The following SCAMP1 variants were observed in gnomAD, a reference collection of about 807,000 sequenced individuals.
SCAMP1 encodes secretory carrier membrane protein 1.
A neutral mutation model predicts 41.8 loss-of-function variants in SCAMP1; 15 were observed. The ratio of observed to expected loss-of-function variants is 0.36; its 90% CI spans 0.24 to 0.55. The LOEUF is 0.55. Ranked by LOEUF, SCAMP1 falls within the 20% of genes least tolerant of loss-of-function variation. The pLI, the probability that SCAMP1 is intolerant of heterozygous loss-of-function variation, is 0.86. For missense variants in SCAMP1, 341 were observed against 412.6 expected, an observed-to-expected ratio of 0.83 and a Z score of 1.50; for synonymous variants, 135 against 136.8, an observed-to-expected ratio of 0.99 and a Z score of 0.09.
chr5:78,403,284 A>G lies in SCAMP1; in HGVS notation c.136-12236A>G, dbSNP rs1434628701. On this transcript the variant is annotated intron_variant, in intron 2 of 8. Coordinates refer to ENST00000621999, the MANE Select transcript of SCAMP1 (RefSeq NM_004866.6). ...AATCCAGACCTACATACAAATAACT[A>G]TACTGTTTCACAGGTAGTGTGAGTG... Among the ~76,000 whole-genome samples, 3 of 152,130 alleles carry G rather than the reference A, an allele frequency of 2.0e-5. 1 individual carries two copies. Among genetic ancestry groups the G allele is most frequent in the Non-Finnish European group, 4.4e-5 (3 of 68,038 alleles).
chr5:78,387,362 C>CTTTTTTTTTT (rs141037666), intron 1 of SCAMP1, among the ~76,000 whole-genome samples: 1 of 135,536 alleles, frequency 7.4e-6, no homozygotes, highest in Non-Finnish European at 1.6e-5. Context: ...TATCCTGTAT[C>CTTTTTTTTTT]TTTTTTTTTT....
At chr5:78,469,144 G>A (rs1753814024) in intron 8 of SCAMP1, among the ~76,000 whole-genome samples, 1 of 152,058 alleles carries the variant, frequency 6.6e-6, no homozygotes, top group Non-Finnish European at 1.5e-5. Flanking sequence ...TGAAAATATT[G>A]TTATCATTCA....
chr5:78,398,817 T>A (rs973281740), intron 2 of SCAMP1, among the ~76,000 whole-genome samples: 6 of 152,190 alleles, frequency 3.9e-5, no homozygotes, highest in African/African-American at 1.4e-4. Context: ...AGTGTTGGGA[T>A]TACAGGCGTG....
intron 6 of SCAMP1, among the ~76,000 whole-genome samples, chr5:78,447,215 G>A (rs1164278159): frequency 1.8e-4 from 27 of 152,200 alleles, no homozygotes; most frequent in Non-Finnish European, 4.4e-5. Flanking sequence ...TGCCAAAAAG[G>A]TTGGGGACCA....
At chr5:78,436,119 A>T (rs143452397) in intron 6 of SCAMP1, among the ~76,000 whole-genome samples, 1,611 of 152,316 alleles carry the variant, frequency 0.011, 36 homozygotes, top group African/African-American at 0.036. Flanking sequence ...GATTCTGGAT[A>T]TTAGCCCTTT....
rs748223999 is a variant in SCAMP1 at position 78,418,726 on chromosome 5, A to G, written c.344-49A>G. 11 of 1,188,816 alleles carry G rather than the reference A, an allele frequency of 9.3e-6. No homozygotes were observed. The South Asian group carries it at 1.5e-4, about 17-fold the overall frequency. The allele number at this position is 1,188,816 out of a possible 1,614,324, so 73.6% of individuals were successfully genotyped here. On this transcript the variant is annotated intron_variant, in intron 4 of 8. Coordinates refer to ENST00000621999, the MANE Select transcript of SCAMP1 (RefSeq NM_004866.6). Reference sequence around the variant, plus strand: ...ATTATGAAACAAAAAATAATATCACATTTGTTATAATATAAATAACCTTTT... The same window carrying G: ...ATTATGAAACAAAAAATAATATCACGTTTGTTATAATATAAATAACCTTTT...
chr5:78,443,056 C>G (rs1434171864), intron 6 of SCAMP1, among the ~76,000 whole-genome samples: 1 of 151,420 alleles, frequency 6.6e-6, no homozygotes, highest in African/African-American at 2.4e-5. Flanking sequence ...AATACAAAAA[C>G]AAAAATATTA....
rs1409836200 is a variant in SCAMP1 at position 78,415,551 on chromosome 5, T to G, written c.167T>G (p.Val56Gly). Residue 56 changes from valine to glycine, a missense_variant, in exon 3 of 9, where the codon GTA (valine) becomes GGA (glycine). By Grantham distance (109) the Val-to-Gly change is moderately radical (BLOSUM62 -3). Coordinates refer to ENST00000621999, the MANE Select transcript of SCAMP1 (RefSeq NM_004866.6). Reference sequence around the variant, plus strand: ...CCAGGCGGTGTGAAGATGCCTAATGTACCCAATACACAACCAGCAATAATG... The same window carrying G: ...CCAGGCGGTGTGAAGATGCCTAATGGACCCAATACACAACCAGCAATAATG... ...PPPGGVKMPN[V>G]PNTQPAIMKP... 2 of 1,607,304 alleles carry G rather than the reference T, an allele frequency of 1.2e-6. No individual in the cohort carries two copies. Among genetic ancestry groups the G allele is most frequent in the African/African-American group, 1.3e-5 (1 of 74,866 alleles).
chr5:78,390,146 A>C (rs1751449628), intron 2 of SCAMP1, among the ~76,000 whole-genome samples: 1 of 152,100 alleles, frequency 6.6e-6, no homozygotes, highest in Non-Finnish European at 1.5e-5. Flanking sequence ...AATTGAACTG[A>C]GTTGTAGGAC....
chr5:78,417,513 T>C (rs576097934), intron 4 of SCAMP1, among the ~76,000 whole-genome samples: 27 of 152,366 alleles, frequency 1.8e-4, no homozygotes, highest in African/African-American at 5.5e-4. Context: ...ATGAGAGTTA[T>C]GTTAGTAAAG....
At chr5:78,415,442 T>C in intron 2 of SCAMP1, 78 bp from the exon 3 acceptor site, 4 of 826,148 alleles carry the variant, frequency 4.8e-6, no homozygotes, top group Admixed American at 2.5e-5. Flanking sequence ...TTTTTCATTT[T>C]ATTGGTGTTA....
chr5:78,443,785 A>G (rs1170243147), intron 6 of SCAMP1, among the ~76,000 whole-genome samples: 4 of 149,280 alleles, frequency 2.7e-5, no homozygotes, highest in African/African-American at 9.9e-5. Flanking sequence ...CAGCCTCCCA[A>G]ATAGGCAGGA....
At chr5:78,383,811 A>G (rs558952767) in intron 1 of SCAMP1, among the ~76,000 whole-genome samples, 1 of 152,116 alleles carries the variant, frequency 6.6e-6, no homozygotes, top group Non-Finnish European at 1.5e-5. Context: ...TTATACCAGT[A>G]CCATGATCTT....
At chr5:78,364,936 G>T (rs1028774853) in intron 1 of SCAMP1, among the ~76,000 whole-genome samples, 1 of 145,390 alleles carries the variant, frequency 6.9e-6, no homozygotes, top group African/African-American at 2.5e-5. Flanking sequence ...TAAATGACGA[G>T]TTAATGGGTG....
chr5:78,374,775 C>CT (rs1400017962), intron 1 of SCAMP1, among the ~76,000 whole-genome samples: 6 of 152,006 alleles, frequency 3.9e-5, no homozygotes, highest in Admixed American at 1.3e-4. Flanking sequence ...TTACTAAGGA[C>CT]TGATTTGGGT....
intron 6 of SCAMP1, among the ~76,000 whole-genome samples, chr5:78,434,529 C>G (rs897283945): frequency 6.9e-6 from 1 of 145,832 alleles, no homozygotes; most frequent in African/African-American, 2.6e-5. Flanking sequence ...CCTCCCTCTC[C>G]TCCCTTCCTT....
rs927685924 is a variant in SCAMP1, at chr5:78,479,087, T to C, written c.*3419T>C. The C allele has an allele frequency of 6.6e-6, 1 of 152,200 alleles. No homozygotes were observed. Among genetic ancestry groups the C allele is most frequent in the Non-Finnish European group, 1.5e-5 (1 of 68,008 alleles). The allele number at this position is 152,200 out of a possible 1,614,324, so 9.4% of individuals were successfully genotyped here. On this transcript the variant is annotated 3_prime_UTR_variant, in exon 9 of 9. Coordinates refer to ENST00000621999, the MANE Select transcript of SCAMP1 (RefSeq NM_004866.6). ...GTATCCTTATTGGTACAAATCTGTG[T>C]TTGGCATGACTGTTTATATACAGAA...
chr5:78,459,193 T>A lies in SCAMP1; in HGVS notation c.735-52T>A, dbSNP rs1561286216. 4 of 837,320 alleles carry A rather than the reference T, an allele frequency of 4.8e-6. No individual in the cohort carries two copies. The East Asian group carries it at 7.7e-5, about 16-fold the overall frequency. The allele number at this position is 837,320 out of a possible 1,614,324, so 51.9% of individuals were successfully genotyped here. On this transcript the variant is annotated intron_variant, in intron 7 of 8. Transcript: ENST00000621999. ...ATATGTGTTAGATATTATGCTATTT[T>A]TAAAAAGTTTACATCAACTTTTGCC...
Position 78,382,513 on chromosome 5 carries a change from C to T in SCAMP1, c.58-6324C>T, listed in dbSNP as rs77959810. ...GGTGATTTCTGAGATTTTGGTGCAC[C>T]TGTCACCCGAGCAGTGTACACTGCA... On this transcript the variant is annotated intron_variant, in intron 1 of 8. Coordinates refer to ENST00000621999, the MANE Select transcript of SCAMP1 (RefSeq NM_004866.6). Among the ~76,000 whole-genome samples, 954 of 152,198 alleles carry T rather than the reference C, an allele frequency of 6.3e-3. 4 individuals are homozygous for T. Among genetic ancestry groups the T allele is most frequent in the Non-Finnish European group, 8.3e-3 (562 of 68,002 alleles).
Sources: gnomAD v4.1 joint callset for allele counts (sites outside exome capture counted in the v4.1 genomes callset) on GRCh38, gnomAD v4.1.1 for gene constraint, MANE v1.5 for transcripts, NCBI Gene and HGNC (gene_info 2026-07-23, HGNC 2026-07-21) for gene names.